The following RHOBTB1 variants were observed in gnomAD, a reference collection of about 807,000 sequenced individuals.
RHOBTB1 encodes Rho related BTB domain containing 1, also known as rho-related BTB domain-containing protein 1.
A neutral mutation model predicts 71.6 loss-of-function variants in RHOBTB1; 40 were observed. The ratio of observed to expected loss-of-function variants is 0.56; its 90% CI spans 0.43 to 0.73. RHOBTB1 has a LOEUF of 0.73. Ranked by LOEUF, RHOBTB1 falls within the 30% of genes least tolerant of loss-of-function variation. The pLI, the probability that RHOBTB1 is intolerant of heterozygous loss-of-function variation, is 0.00. For missense variants in RHOBTB1, 797 were observed against 894.0 expected, an observed-to-expected ratio of 0.89 and a Z score of 1.38; for synonymous variants, 319 against 334.9, an observed-to-expected ratio of 0.95 and a Z score of 0.52.
chr10:60,981,300 T>C (rs2086488617), intron 2 of RHOBTB1, among the ~76,000 whole-genome samples: 1 of 152,208 alleles, frequency 6.6e-6, no homozygotes, highest in South Asian at 2.1e-4. Context: ...ATAAAGATGA[T>C]GAAAATAATA....
At chr10:60,925,786 T>C (rs2083843945) in intron 2 of RHOBTB1, among the ~76,000 whole-genome samples, 1 of 152,228 alleles carries the variant, frequency 6.6e-6, no homozygotes, top group African/African-American at 2.4e-5. Context: ...TATAACTATA[T>C]GTCAATAAAC....
In RHOBTB1 at chr10:60,870,661, A is replaced by T. The variant is rs992814416; in HGVS notation, c.*821T>A. ...ATGTAAACCCTAATACAGCAATCCG[A>T]ACACCAGCGCACTAATGGTATCTTA... On this transcript the variant is annotated 3_prime_UTR_variant, in exon 11 of 11. Transcript: ENST00000337910. 8 of 152,370 alleles carry T rather than the reference A, an allele frequency of 5.3e-5. No homozygotes were observed. The highest frequency in any genetic ancestry group is 5.2e-4 in the Admixed American group (8 of 15,274). 9.4% of individuals were successfully genotyped at this position (152,370 alleles called of 1,614,324 possible).
intron 4 of RHOBTB1, among the ~76,000 whole-genome samples, chr10:60,898,878 G>T (rs2132999729): frequency 6.6e-6 from 1 of 152,262 alleles, no homozygotes; most frequent in East Asian, 1.9e-4. Flanking sequence ...GCTCTTAAGT[G>T]CAGGGAAGTC....
intron 9 of RHOBTB1, 117 bp downstream of exon 9, chr10:60,874,837 A>ACT (rs1301826049): frequency 4.1e-6 from 3 of 726,286 alleles, no homozygotes; most frequent in Non-Finnish European, 7.3e-6. Context: ...ACACAGGGGG[A>ACT]CTCTGTGACT....
At chr10:60,913,703 C>T (rs1363188523) in intron 2 of RHOBTB1, among the ~76,000 whole-genome samples, 1 of 152,048 alleles carries the variant, frequency 6.6e-6, no homozygotes, top group Admixed American at 6.6e-5. Flanking sequence ...AGACAACACC[C>T]CACAACAAAG....
intron 4 of RHOBTB1, among the ~76,000 whole-genome samples, chr10:60,909,301 C>T (rs980082223): frequency 6.6e-6 from 1 of 152,178 alleles, no homozygotes; most frequent in Admixed American, 6.5e-5. Flanking sequence ...GAATACATTT[C>T]ATTGTTGTTG....
intron 2 of RHOBTB1, among the ~76,000 whole-genome samples, chr10:60,956,267 T>A (rs962096504): frequency 6.6e-6 from 1 of 151,960 alleles, no homozygotes; most frequent in Non-Finnish European, 1.5e-5. Flanking sequence ...AATAAAAGAC[T>A]AAAAAAATGG....
intron 4 of RHOBTB1, among the ~76,000 whole-genome samples, chr10:60,909,522 A>C (rs917280702): frequency 1.3e-4 from 20 of 152,304 alleles, no homozygotes; most frequent in African/African-American, 4.1e-4. Flanking sequence ...TTATCCTTAC[A>C]CTGCCTAAAG....
chr10:60,947,347 T>C (rs2085271763), upstream of RHOBTB1, among the ~76,000 whole-genome samples: 1 of 152,222 alleles, frequency 6.6e-6, no homozygotes. Flanking sequence ...AAAGGTGATT[T>C]TAAAACTTTT....
upstream of RHOBTB1, among the ~76,000 whole-genome samples, chr10:60,945,643 G>T (rs1054716885): frequency 6.6e-6 from 1 of 152,158 alleles, no homozygotes; most frequent in African/African-American, 2.4e-5. Context: ...GAAGTCAAAG[G>T]CTTGCCTGGT....
At chr10:60,990,149 AT>A (rs1190569732) in intron 1 of RHOBTB1, among the ~76,000 whole-genome samples, 2 of 151,572 alleles carry the variant, frequency 1.3e-5, no homozygotes, top group African/African-American at 4.9e-5. Flanking sequence ...CGCCTGGATA[AT>A]TTTTTGTATT....
intron 1 of RHOBTB1, among the ~76,000 whole-genome samples, chr10:60,989,298 A>C (rs1288328121): frequency 6.6e-6 from 1 of 152,190 alleles, no homozygotes; most frequent in Admixed American, 6.5e-5. Context: ...AAAATGTTGC[A>C]CTTGTTTTAA....
chr10:60,865,009 G>A (rs79323369), downstream of RHOBTB1, among the ~76,000 whole-genome samples: 3,475 of 152,224 alleles, frequency 0.023, 74 homozygotes, highest in Non-Finnish European at 0.033. Flanking sequence ...TATTTTAAAA[G>A]AAATCTCAGG....
chr10:60,941,573 G>A (rs74837606), intron 2 of RHOBTB1, among the ~76,000 whole-genome samples: 7,223 of 152,126 alleles, frequency 0.047, 292 homozygotes, highest in African/African-American at 0.11. Context: ...ATAAAAAGTC[G>A]TATGATGGAC....
intron 5 of RHOBTB1, among the ~76,000 whole-genome samples, chr10:60,889,596 C>G (rs1216178510): frequency 6.6e-6 from 1 of 151,476 alleles, no homozygotes; most frequent in Non-Finnish European, 1.5e-5. Context: ...TTGTAGATTC[C>G]TTAGAACTTT....
intron 2 of RHOBTB1, among the ~76,000 whole-genome samples, chr10:60,938,628 C>T (rs1210574940): frequency 2.0e-5 from 3 of 152,110 alleles, no homozygotes; most frequent in Non-Finnish European, 4.4e-5. Flanking sequence ...AATTTAAATA[C>T]AAAATTTACA....
rs1157340090 is a variant in RHOBTB1, at chr10:60,872,230, T to C, written c.1876A>G (p.Ser626Gly). 1 of 1,614,104 alleles carries C rather than the reference T, an allele frequency of 6.2e-7. No homozygotes were observed. Among genetic ancestry groups the C allele is most frequent in the South Asian group, 1.1e-5 (1 of 91,082 alleles). The change falls in exon 10 of 11, where the codon AGT becomes GGT. Residue 626 changes from serine to glycine, a missense_variant. Around this residue, in one of 2 missense-constraint regions of RHOBTB1, gnomAD observed 658 missense variants for 681.5 expected, o/e 0.97. Coordinates refer to ENST00000337910, the MANE Select transcript of RHOBTB1 (RefSeq NM_014836.5). The part of the protein sequence containing the change: ...CLHHICTNYN[S>G]VCSKFRKEIK... The stretch of plus-strand genomic sequence containing the variant: ...TCCTTACGGAACTTGGAGCATACAC[T>C]GTTGTAGTTGGTGCAGATGTGGTGC...
chr10:60,992,700 G>A (rs1203822447), intron 1 of RHOBTB1, among the ~76,000 whole-genome samples: 1 of 152,060 alleles, frequency 6.6e-6, no homozygotes, highest in South Asian at 2.1e-4. Flanking sequence ...CACAAATTTT[G>A]TAAATTAGAA....
chr10:60,893,453 A>G (rs1329019884), intron 4 of RHOBTB1, among the ~76,000 whole-genome samples: 3 of 152,244 alleles, frequency 2.0e-5, no homozygotes, highest in Non-Finnish European at 4.4e-5. Context: ...TGAAAATGTA[A>G]CAAGTATTTG....
Sources: gnomAD v4.1 joint callset for allele counts (sites outside exome capture counted in the v4.1 genomes callset) on GRCh38, gnomAD v4.1.1 for gene constraint, gnomAD v4.1.1 regional missense constraint, MANE v1.5 for transcripts, NCBI Gene and HGNC (gene_info 2026-07-23, HGNC 2026-07-21) for gene names.